Variants in TBCK observed in about 807,000 individuals in gnomAD.
TBCK encodes TBC1 domain containing kinase.
TBCK carries 99 observed loss-of-function variants against 113.4 expected under a neutral mutation model. That is an observed-to-expected ratio of 0.87 (90% confidence interval 0.74 to 1.03). The LOEUF (loss-of-function observed/expected upper bound fraction) is 1.03, where lower values mean the gene tolerates loss of function less well. TBCK is among the 50% of genes least tolerant of loss of function. The pLI is 0.00. For missense variants in TBCK, 1,045 were observed against 1,061.3 expected (o/e 0.98, Z 0.21); for synonymous variants, 369 against 370.8 (o/e 1.00, Z 0.05).
chr4:106,171,379 TAA>T (rs1409483560), intron 22 of TBCK, 109 bp from the exon 23 acceptor site: 34 of 765,790 alleles, frequency 4.4e-5, no homozygotes, highest in Non-Finnish European at 6.5e-5. Flanking sequence ...GCTAAGATGA[TAA>T]GTTATTAGAA....
At chr4:106,284,161 A>G (rs1483622364) in intron 3 of TBCK, among the ~76,000 whole-genome samples, 1 of 152,150 alleles carries the variant, frequency 6.6e-6, no homozygotes, top group African/African-American at 2.4e-5. Context: ...AATTCACATG[A>G]CTTCACTACC....
At chr4:106,107,733 G>A (rs1244745633) in intron 24 of TBCK, among the ~76,000 whole-genome samples, 1 of 152,142 alleles carries the variant, frequency 6.6e-6, no homozygotes, top group Non-Finnish European at 1.5e-5. Flanking sequence ...AATTAGAGAA[G>A]TGAGAACAAA....
At chr4:106,124,947 CATATGT>C (rs1439456288) in intron 23 of TBCK, among the ~76,000 whole-genome samples, 1 of 146,904 alleles carries the variant, frequency 6.8e-6, no homozygotes, top group East Asian at 2.0e-4. Context: ...CACATGTATA[CATATGT>C]AACTAACCTG....
chr4:106,133,367 C>G (rs149086133), intron 23 of TBCK, among the ~76,000 whole-genome samples: 31 of 152,262 alleles, frequency 2.0e-4, no homozygotes, highest in African/African-American at 6.5e-4. Context: ...GACTGTGAGG[C>G]CTTCCCAGCA....
chr4:106,308,351 G>C (rs1008294924), intron 2 of TBCK, among the ~76,000 whole-genome samples: 2 of 152,140 alleles, frequency 1.3e-5, no homozygotes, highest in African/African-American at 4.8e-5. Context: ...AAAAGACTTA[G>C]CTCAGATTGC....
At chr4:106,089,034 A>G (rs1330643193) in intron 25 of TBCK, among the ~76,000 whole-genome samples, 1 of 68,570 alleles carries the variant, frequency 1.5e-5, no homozygotes, top group African/African-American at 1.2e-4. Context: ...CTGTACATGT[A>G]TCCTTTTTTT....
intron 25 of TBCK, among the ~76,000 whole-genome samples, chr4:106,088,237 A>T (rs1252820108): frequency 6.6e-6 from 1 of 152,220 alleles, no homozygotes; most frequent in East Asian, 1.9e-4. Context: ...ATTTACAAGG[A>T]ACTTAAACAT....
chr4:106,118,727 T>A (rs1743873304), intron 23 of TBCK, among the ~76,000 whole-genome samples: 1 of 152,232 alleles, frequency 6.6e-6, no homozygotes, highest in Admixed American at 6.5e-5. Context: ...GTGCCCTGAC[T>A]AAGAAGAGGA....
At chr4:106,079,673 G>A (rs4533833) in intron 25 of TBCK, among the ~76,000 whole-genome samples, 5,582 of 152,120 alleles carry the variant, frequency 0.037, 410 homozygotes, top group East Asian at 0.29. Flanking sequence ...ATAAACAAAT[G>A]GAAAAATGTT....
chr4:106,269,445 T>C (rs1763280272), intron 3 of TBCK, among the ~76,000 whole-genome samples: 1 of 151,990 alleles, frequency 6.6e-6, no homozygotes, highest in African/African-American at 2.4e-5. Context: ...TGTAAAAAAA[T>C]ACCACAATAT....
At chr4:106,092,428 A>T (rs1740380236) in intron 25 of TBCK, among the ~76,000 whole-genome samples, 1 of 152,224 alleles carries the variant, frequency 6.6e-6, no homozygotes, top group Admixed American at 6.5e-5. Context: ...AGTCGATGGG[A>T]CCAGGTGCTG....
At chr4:106,240,781 T>A (rs1021121724) in intron 12 of TBCK, among the ~76,000 whole-genome samples, 5 of 152,028 alleles carry the variant, frequency 3.3e-5, no homozygotes, top group African/African-American at 1.2e-4. Flanking sequence ...CATTTTACTT[T>A]GAAATGCAAG....
At chr4:106,288,667 C>A (rs1050129169) in intron 3 of TBCK, among the ~76,000 whole-genome samples, 2 of 152,114 alleles carry the variant, frequency 1.3e-5, no homozygotes, top group South Asian at 2.1e-4. Flanking sequence ...TTTTGCTCAG[C>A]GTAATATTTA....
At chr4:106,275,194 T>C (rs139859701) in intron 3 of TBCK, among the ~76,000 whole-genome samples, 145 of 152,272 alleles carry the variant, frequency 9.5e-4, no homozygotes, top group East Asian at 1.7e-3. Context: ...ATAGTCTCAA[T>C]AGAGATTCAA....
intron 1 of TBCK, among the ~76,000 whole-genome samples, chr4:106,315,063 A>G (rs1768639211): frequency 6.6e-6 from 1 of 152,228 alleles, no homozygotes; most frequent in Admixed American, 6.5e-5. Flanking sequence ...ATGGTTGTAC[A>G]TAAAAAGGCT....
At chr4:106,176,333 C>T (rs964758865) in intron 22 of TBCK, among the ~76,000 whole-genome samples, 2 of 152,024 alleles carry the variant, frequency 1.3e-5, no homozygotes, top group Admixed American at 6.6e-5. Flanking sequence ...CATCCCCCAG[C>T]CCATTCTTCT....
At chr4:106,263,052 T>C (rs1384478648) in intron 3 of TBCK, among the ~76,000 whole-genome samples, 5 of 151,990 alleles carry the variant, frequency 3.3e-5, no homozygotes, top group African/African-American at 4.8e-5. Flanking sequence ...TCTCAGAGCA[T>C]AAGACAAATG....
At position 106,235,463 on chromosome 4, in the gene TBCK, G is replaced by T. The variant is rs1759349205; in HGVS notation, c.1351-96C>A. 1.2e-5 allele frequency: 8 copies of T among 681,956 alleles called. No individual in the cohort carries two copies. In the East Asian group the frequency reaches 1.9e-4, roughly 16 times the overall value. 42.2% of individuals were successfully genotyped at this position (681,956 alleles called of 1,614,324 possible). On this transcript the variant is annotated intron_variant, in intron 14 of 25. Transcript: ENST00000394708. Reference sequence around the variant, plus strand: ...AATATACCCATGATAAAACTTAAGTGACTTGCAATAAATTTCAAAGTATGT... The same window carrying T: ...AATATACCCATGATAAAACTTAAGTTACTTGCAATAAATTTCAAAGTATGT...
intron 25 of TBCK, among the ~76,000 whole-genome samples, chr4:106,068,146 A>ATTTTATT (rs990377401): frequency 6.7e-6 from 1 of 149,748 alleles, no homozygotes; most frequent in Non-Finnish European, 1.5e-5. Context: ...ATTTCTTTTT[A>ATTTTATT]TTTTATTTTT....
Sources: gnomAD v4.1 joint callset for allele counts (sites outside exome capture counted in the v4.1 genomes callset) on GRCh38, gnomAD v4.1.1 for gene constraint, MANE v1.5 for transcripts, NCBI Gene and HGNC (gene_info 2026-07-23, HGNC 2026-07-21) for gene names.